Variants in MYO10 observed in about 807,000 individuals in gnomAD.
MYO10 encodes the protein myosin X.
MYO10 carries 133 observed loss-of-function variants against 257.3 expected under a neutral mutation model. The observed-to-expected ratio is 0.52, with a 90% CI of 0.45 to 0.60. MYO10 has a LOEUF of 0.60. MYO10 is among the 20% of genes least tolerant of loss of function. The pLI, the probability that MYO10 is intolerant of heterozygous loss-of-function variation, is 0.00. For synonymous variants in MYO10, 1,104 were observed against 1,028.6 expected (o/e 1.07, Z -1.40); for missense variants, 2,399 against 2,635.7 (o/e 0.91, Z 1.97).
intron 37 of MYO10, among the ~76,000 whole-genome samples, chr5:16,671,888 T>A (rs1051535371): frequency 2.0e-5 from 3 of 152,202 alleles, no homozygotes; most frequent in African/African-American, 7.2e-5. Context: ...CTCAGATACA[T>A]TATGATAACA....
intron 12 of MYO10, 50 bp downstream of exon 12, chr5:16,764,200 C>T (rs774877668): frequency 6.3e-7 from 1 of 1,583,758 alleles, no homozygotes; most frequent in South Asian, 1.1e-5. Context: ...TCAATAGCAG[C>T]TAATCATGGA....
chr5:16,909,420 C>T (rs1470751098), intron 1 of MYO10, among the ~76,000 whole-genome samples: 2 of 150,844 alleles, frequency 1.3e-5, no homozygotes, highest in Non-Finnish European at 2.9e-5. Context: ...GCAGCAGAAT[C>T]GCTTGAACCC....
At chr5:16,679,658 G>T (rs932063276) in intron 33 of MYO10, among the ~76,000 whole-genome samples, 2 of 151,756 alleles carry the variant, frequency 1.3e-5, no homozygotes, top group Non-Finnish European at 2.9e-5. Flanking sequence ...CTGTGTAGCT[G>T]GGATTACAGG....
chr5:16,747,771 T>A (rs2126637055), intron 19 of MYO10, among the ~76,000 whole-genome samples: 1 of 151,528 alleles, frequency 6.6e-6, no homozygotes, highest in East Asian at 2.0e-4. Flanking sequence ...TACAAAAAAT[T>A]AGCCGTGCGG....
At chr5:16,683,023 G>A (rs920540317) in intron 30 of MYO10, among the ~76,000 whole-genome samples, 13 of 152,054 alleles carry the variant, frequency 8.5e-5, no homozygotes, top group Admixed American at 5.2e-4. Context: ...TGACACATAC[G>A]TGTTAAAGAT....
At chr5:16,875,544 T>C (rs1228315065) in intron 2 of MYO10, among the ~76,000 whole-genome samples, 1 of 152,188 alleles carries the variant, frequency 6.6e-6, no homozygotes, top group Non-Finnish European at 1.5e-5. Context: ...ACATGCTGTC[T>C]CTTTGTTCCC....
intron 3 of MYO10, among the ~76,000 whole-genome samples, chr5:16,810,153 T>C (rs1193957475): frequency 6.6e-6 from 1 of 152,084 alleles, no homozygotes. Context: ...GCTGGGTACA[T>C]AATAATTTGA....
intron 8 of MYO10, 103 bp from the exon 9 acceptor site, chr5:16,779,751 T>C (rs1433544469): frequency 3.1e-6 from 2 of 653,190 alleles, no homozygotes; most frequent in Non-Finnish European, 2.6e-6. Context: ...TTCTGTGCTC[T>C]TAACAGTCTC....
rs1012433682 is a variant in MYO10 at position 16,896,924 on chromosome 5, G to A, written c.22-19217C>T. On this transcript the variant is annotated intron_variant, in intron 1 of 40. Transcript: ENST00000513610. ...TCCAAAACAATCTTGCATTAGCTCC[G>A]AACAAAGGAAGGAAGGAAGGGAGAA... Among the ~76,000 whole-genome samples the A allele has an allele frequency of 4.6e-5, 7 of 151,992 alleles. No individual in the cohort carries two copies. In the South Asian group the frequency reaches 6.2e-4, roughly 14 times the overall value.
chr5:16,796,496 AAGGAAAAT>A (rs1741977670), intron 3 of MYO10, among the ~76,000 whole-genome samples: 10 of 151,682 alleles, frequency 6.6e-5, no homozygotes, highest in African/African-American at 2.4e-4. Flanking sequence ...AGAAAGAAAG[AAGGAAAAT>A]AAATAAATAA....
chr5:16,809,517 A>T lies in MYO10; in HGVS notation c.279+8492T>A, dbSNP rs1281781058. Among the ~76,000 whole-genome samples the T allele has an allele frequency of 7.2e-5, 11 of 152,216 alleles. No homozygotes were observed. The East Asian group carries it at 2.1e-3, about 29-fold the overall frequency. Reference sequence around the variant, plus strand: ...GCAGGCCGTGACTTCCCTGCAGGTGAACTCTGTTCAACCGGCTGCTAAAAT... The same window carrying T: ...GCAGGCCGTGACTTCCCTGCAGGTGTACTCTGTTCAACCGGCTGCTAAAAT... On this transcript the variant is annotated intron_variant, in intron 3 of 40. Coordinates refer to ENST00000513610, the MANE Select transcript of MYO10 (RefSeq NM_012334.3).
chr5:16,928,136 A>G (rs1375203313), intron 1 of MYO10, among the ~76,000 whole-genome samples: 3 of 152,126 alleles, frequency 2.0e-5, no homozygotes, highest in African/African-American at 7.2e-5. Flanking sequence ...TGAGTCCCAC[A>G]TTTTCTTTTA....
At chr5:16,923,448 G>A (rs572981221) in intron 1 of MYO10, among the ~76,000 whole-genome samples, 43 of 151,800 alleles carry the variant, frequency 2.8e-4, no homozygotes, top group Middle Eastern at 6.8e-3. Flanking sequence ...CACCACGCCC[G>A]GCTAATTTTT....
intron 19 of MYO10, among the ~76,000 whole-genome samples, chr5:16,732,518 T>G (rs893041921): frequency 3.3e-5 from 5 of 152,344 alleles, no homozygotes; most frequent in African/African-American, 1.2e-4. Context: ...TCAGCTCCTT[T>G]ATTCAGACGT....
intron 26 of MYO10, among the ~76,000 whole-genome samples, chr5:16,698,325 C>T (rs1283659987): frequency 6.6e-6 from 1 of 152,124 alleles, no homozygotes; most frequent in Non-Finnish European, 1.5e-5. Flanking sequence ...CACACCACTG[C>T]CCTCTAGCTT....
chr5:16,811,458 T>C (rs1742438825), intron 3 of MYO10, among the ~76,000 whole-genome samples: 1 of 152,192 alleles, frequency 6.6e-6, no homozygotes, highest in Non-Finnish European at 1.5e-5. Flanking sequence ...AAAGACAGCC[T>C]TCTCCCGCTG....
At chr5:16,839,882 G>T (rs1743423347) in intron 2 of MYO10, among the ~76,000 whole-genome samples, 1 of 152,204 alleles carries the variant, frequency 6.6e-6, no homozygotes, top group African/African-American at 2.4e-5. Flanking sequence ...TGGATTAAAT[G>T]CATCTTTGAC....
At chr5:16,858,441 T>TAAAAAAAAAA (rs56792705) in intron 2 of MYO10, among the ~76,000 whole-genome samples, 1 of 135,304 alleles carries the variant, frequency 7.4e-6, no homozygotes, top group South Asian at 2.3e-4. Context: ...GCTACTTTTG[T>TAAAAAAAAAA]AAAAAAAAAA....
At chr5:16,903,072 C>T (rs985837837) in intron 1 of MYO10, among the ~76,000 whole-genome samples, 1 of 152,224 alleles carries the variant, frequency 6.6e-6, no homozygotes, top group African/African-American at 2.4e-5. Flanking sequence ...TTCACACGCA[C>T]TAACTTGCTT....
Sources: gnomAD v4.1 joint callset for allele counts (sites outside exome capture counted in the v4.1 genomes callset) on GRCh38, gnomAD v4.1.1 for gene constraint, MANE v1.5 for transcripts, NCBI Gene and HGNC (gene_info 2026-07-23, HGNC 2026-07-21) for gene names.